The following PRLR variants were observed in gnomAD, a reference collection of about 807,000 sequenced individuals.
PRLR encodes the protein prolactin receptor, also known as hPRL receptor.
A neutral mutation model predicts 40.2 loss-of-function variants in PRLR; 13 were observed. The observed-to-expected ratio is 0.32, with a 90% CI of 0.21 to 0.51. The LOEUF (loss-of-function observed/expected upper bound fraction) is 0.51. PRLR is among the 20% of genes least tolerant of loss of function. The pLI is 0.97. For missense variants in PRLR, 656 were observed against 747.3 expected (o/e 0.88, Z 1.42); for synonymous variants, 269 against 278.7 (o/e 0.97, Z 0.35).
chr5:35,075,539 G>A (rs1024669811), intron 5 of PRLR, among the ~76,000 whole-genome samples: 4 of 152,222 alleles, frequency 2.6e-5, no homozygotes, highest in African/African-American at 4.8e-5. Flanking sequence ...AAGTGGCCAG[G>A]AAGCTGGAAC....
chr5:35,089,142 G>C (rs149711943), intron 3 of PRLR, among the ~76,000 whole-genome samples: 1 of 152,282 alleles, frequency 6.6e-6, no homozygotes, highest in Non-Finnish European at 1.5e-5. Context: ...TCCCATTATG[G>C]TTTTTTAAAG....
intron 1 of PRLR, among the ~76,000 whole-genome samples, chr5:35,161,774 C>A (rs1295104756): frequency 6.6e-6 from 1 of 152,192 alleles, no homozygotes; most frequent in Non-Finnish European, 1.5e-5. Context: ...TTTGGATCGG[C>A]TAATGAAGAT....
chr5:35,216,625 C>G (rs1776294914), intron 1 of PRLR, among the ~76,000 whole-genome samples: 1 of 152,050 alleles, frequency 6.6e-6, no homozygotes, highest in Admixed American at 6.6e-5. Flanking sequence ...AGGTCAACAC[C>G]AAAGACAGTG....
chr5:35,160,314 T>C (rs185938667), intron 1 of PRLR, among the ~76,000 whole-genome samples: 4 of 152,348 alleles, frequency 2.6e-5, no homozygotes, highest in African/African-American at 9.6e-5. Context: ...CATGCTACAA[T>C]GACACAGTTG....
At chr5:35,086,142 G>A (rs554701140) in intron 4 of PRLR, 66 bp downstream of exon 4, 18 of 1,582,154 alleles carry the variant, frequency 1.1e-5, no homozygotes, top group Admixed American at 1.7e-5. Context: ...CAGAACCAGT[G>A]TTTCTTTGGC....
chr5:35,197,752 C>G (rs963037451), intron 1 of PRLR, among the ~76,000 whole-genome samples: 14 of 152,270 alleles, frequency 9.2e-5, no homozygotes, highest in African/African-American at 3.1e-4. Context: ...GCGACTGCTG[C>G]TCAGATCATG....
At chr5:35,126,144 T>C (rs1773456073) in intron 1 of PRLR, among the ~76,000 whole-genome samples, 1 of 152,220 alleles carries the variant, frequency 6.6e-6, no homozygotes, top group Admixed American at 6.6e-5. Flanking sequence ...AGGTAAGTGA[T>C]GTTGATAATG....
intron 1 of PRLR, chr5:35,130,091 T>A (rs998529030): frequency 1.1e-4 from 17 of 152,210 alleles, no homozygotes; most frequent in African/African-American, 4.1e-4. Flanking sequence ...TCTGTGCAGC[T>A]CTCATGAGCA....
chr5:35,124,100 C>A (rs1403449628), intron 1 of PRLR, among the ~76,000 whole-genome samples: 2 of 152,130 alleles, frequency 1.3e-5, no homozygotes, highest in African/African-American at 4.8e-5. Context: ...TCATTCAGGG[C>A]TGCTATAGTC....
chr5:35,213,659 T>C (rs73078890), intron 1 of PRLR, among the ~76,000 whole-genome samples: 11 of 152,286 alleles, frequency 7.2e-5, no homozygotes, highest in African/African-American at 2.6e-4. Flanking sequence ...ATAACAAGCA[T>C]CTAAACCTCA....
intron 1 of PRLR, among the ~76,000 whole-genome samples, chr5:35,211,754 T>G (rs1369697657): frequency 6.6e-6 from 1 of 152,244 alleles, no homozygotes; most frequent in East Asian, 1.9e-4. Context: ...TGAGTAAATA[T>G]TCATGAATTA....
chr5:35,178,040 T>C (rs778949638), intron 1 of PRLR, among the ~76,000 whole-genome samples: 21 of 152,162 alleles, frequency 1.4e-4, no homozygotes, highest in Admixed American at 1.2e-3. Flanking sequence ...CTCATTGTCG[T>C]TCTGATTTGC....
At chr5:35,091,677 C>G (rs1205877864) in intron 2 of PRLR, among the ~76,000 whole-genome samples, 1 of 152,136 alleles carries the variant, frequency 6.6e-6, no homozygotes, top group East Asian at 1.9e-4. Flanking sequence ...GTGAGTGTGG[C>G]ATTCTGAGTA....
intron 8 of PRLR, 80 bp downstream of exon 8, chr5:35,068,698 TC>T: frequency 6.4e-6 from 7 of 1,094,338 alleles, no homozygotes; most frequent in Non-Finnish European, 8.3e-6. Context: ...TCTACAGGTT[TC>T]CATCATCTTT....
chr5:35,076,440 T>C (rs982110234), intron 5 of PRLR, among the ~76,000 whole-genome samples: 1 of 152,084 alleles, frequency 6.6e-6, no homozygotes, highest in African/African-American at 2.4e-5. Flanking sequence ...GAAGAAAGGG[T>C]ATCAGTGATT....
chr5:35,207,941 C>T lies in PRLR; in HGVS notation c.-106+22327G>A, dbSNP rs572979731. Among the ~76,000 whole-genome samples the T allele has an allele frequency of 1.2e-4, 18 of 152,018 alleles. 1 individual carries two copies. The South Asian group carries it at 3.7e-3, about 32-fold the overall frequency. On this transcript the variant is annotated intron_variant, in intron 1 of 9. Transcript: ENST00000618457. ...AACTCAAAACCAGTGTGGTGTTGGCCCAAGAATTGATATAGCAATAAAACT... is the reference window on the plus strand; with the variant it reads ...AACTCAAAACCAGTGTGGTGTTGGCTCAAGAATTGATATAGCAATAAAACT...
At chr5:35,140,669 C>T (rs1420288733) in intron 1 of PRLR, among the ~76,000 whole-genome samples, 1 of 152,184 alleles carries the variant, frequency 6.6e-6, no homozygotes, top group African/African-American at 2.4e-5. Context: ...GAGATGACAA[C>T]TGTATACAGT....
chr5:35,084,936 G>A (rs545924912), intron 4 of PRLR, among the ~76,000 whole-genome samples: 7 of 152,184 alleles, frequency 4.6e-5, no homozygotes, highest in Admixed American at 3.3e-4. Context: ...ATAAACACTC[G>A]AGCTTTCAAT....
chr5:35,116,860 C>T (rs1024240365), intron 2 of PRLR, among the ~76,000 whole-genome samples: 6 of 152,162 alleles, frequency 3.9e-5, no homozygotes, highest in African/African-American at 9.7e-5. Context: ...CCATGAAAAA[C>T]AAAAGCTTCT....
Sources: allele counts gnomAD v4.1 joint callset (sites outside exome capture counted in the v4.1 genomes callset), GRCh38; gene constraint gnomAD v4.1.1; transcripts MANE v1.5; gene names NCBI Gene and HGNC (gene_info 2026-07-23, HGNC 2026-07-21).